The following CNTLN variants were observed in gnomAD, a reference collection of about 807,000 sequenced individuals.
CNTLN encodes centlein, also known as centlein, centrosomal protein.
A neutral mutation model predicts 180.0 loss-of-function variants in CNTLN; 212 were observed. That is an observed-to-expected ratio of 1.18 (90% confidence interval 1.05 to 1.32). The LOEUF (loss-of-function observed/expected upper bound fraction) is 1.32, where lower values mean the gene tolerates loss of function less well. Ranked by LOEUF, CNTLN falls within the 40% of genes most tolerant of loss-of-function variation. The pLI, the probability that CNTLN is intolerant of heterozygous loss-of-function variation, is 0.00. For missense variants in CNTLN, 2,095 were observed against 1,610.9 expected (o/e 1.30, Z -5.14); for synonymous variants, 722 against 563.1 (o/e 1.28, Z -3.99).
intron 2 of CNTLN, among the ~76,000 whole-genome samples, chr9:17,210,725 T>G (rs1463783200): frequency 2.6e-5 from 4 of 152,218 alleles, no homozygotes; most frequent in Non-Finnish European, 4.4e-5. Flanking sequence ...TGTTGTTTCC[T>G]GACTTTTTAA....
intron 14 of CNTLN, among the ~76,000 whole-genome samples, chr9:17,390,053 G>A (rs1407402321): frequency 6.6e-6 from 1 of 152,042 alleles, no homozygotes; most frequent in African/African-American, 2.4e-5. Flanking sequence ...GGCCTCAGAA[G>A]AAACCAACCC....
chr9:17,142,485 T>G (rs372986331), intron 1 of CNTLN, among the ~76,000 whole-genome samples: 1 of 152,024 alleles, frequency 6.6e-6, no homozygotes. Flanking sequence ...ATTTAAGATA[T>G]CTATTAGATT....
At position 17,412,792 on chromosome 9, in the gene CNTLN, C is replaced by A. The variant is rs533861907; in HGVS notation, c.2797-2996C>A. Reference sequence around the variant, plus strand: ...TGGATACCCATTGTATGTCAGGAGGCATCTGTATATGACACGTATATTAAA... The same window carrying A: ...TGGATACCCATTGTATGTCAGGAGGAATCTGTATATGACACGTATATTAAA... On this transcript the variant is annotated intron_variant, in intron 16 of 25. Coordinates refer to ENST00000380647, the MANE Select transcript of CNTLN (RefSeq NM_017738.4). 3.9e-5 allele frequency among the ~76,000 whole-genome samples: 6 copies of A among 152,172 alleles called. No homozygotes were observed. The South Asian group carries it at 6.2e-4, about 16-fold the overall frequency.
intron 5 of CNTLN, among the ~76,000 whole-genome samples, chr9:17,249,371 T>C (rs1825999280): frequency 7.3e-6 from 1 of 137,074 alleles, no homozygotes; most frequent in Admixed American, 7.8e-5. Context: ...TTTTTTGAGC[T>C]GGAGTCTCGC....
chr9:17,483,150 G>T (rs117877396), intron 23 of CNTLN, among the ~76,000 whole-genome samples: 1 of 152,024 alleles, frequency 6.6e-6, no homozygotes, highest in African/African-American at 2.4e-5. Flanking sequence ...TCCCGAATAC[G>T]TGAAGAACTC....
At chr9:17,167,660 G>A (rs1820165512) in intron 2 of CNTLN, 1 of 152,106 alleles carries the variant, frequency 6.6e-6, no homozygotes. Context: ...GTATCTTCAC[G>A]GTGAGATTAA....
At chr9:17,487,443 C>A (rs756192291) in intron 25 of CNTLN, among the ~76,000 whole-genome samples, 2 of 152,024 alleles carry the variant, frequency 1.3e-5, no homozygotes, top group Non-Finnish European at 2.9e-5. Flanking sequence ...GTTTCAGTGA[C>A]CTTTTACTAT....
At chr9:17,221,895 A>G (rs1330912410) in intron 2 of CNTLN, among the ~76,000 whole-genome samples, 1 of 152,074 alleles carries the variant, frequency 6.6e-6, no homozygotes, top group Non-Finnish European at 1.5e-5. Flanking sequence ...AACTGTATCT[A>G]CCAACATATC....
chr9:17,207,155 T>C (rs2131930689), intron 2 of CNTLN, among the ~76,000 whole-genome samples: 1 of 152,394 alleles, frequency 6.6e-6, no homozygotes, highest in Non-Finnish European at 1.5e-5. Context: ...TGTGTGTCTC[T>C]ATTTTCCCTT....
At chr9:17,185,193 T>C (rs1821354368) in intron 2 of CNTLN, among the ~76,000 whole-genome samples, 1 of 152,228 alleles carries the variant, frequency 6.6e-6, no homozygotes, top group Admixed American at 6.5e-5. Flanking sequence ...TTACAATTTA[T>C]ATTCCAAGGT....
At chr9:17,271,940 A>G (rs1827975569) in intron 5 of CNTLN, among the ~76,000 whole-genome samples, 1 of 151,824 alleles carries the variant, frequency 6.6e-6, no homozygotes, top group African/African-American at 2.4e-5. Flanking sequence ...ATATTTGTCT[A>G]TTTTAGTATA....
At chr9:17,280,677 A>G (rs1158963964) in intron 6 of CNTLN, among the ~76,000 whole-genome samples, 1 of 152,192 alleles carries the variant, frequency 6.6e-6, no homozygotes, top group Non-Finnish European at 1.5e-5. Context: ...TTAGCCACCC[A>G]AGAACTGAGA....
At chr9:17,272,098 C>G (rs1827991002) in intron 5 of CNTLN, among the ~76,000 whole-genome samples, 1 of 140,326 alleles carries the variant, frequency 7.1e-6, no homozygotes, top group Non-Finnish European at 1.5e-5. Context: ...CTTTCTTTCC[C>G]TCCCTCCCTC....
chr9:17,291,528 C>G (rs547361130), intron 6 of CNTLN, among the ~76,000 whole-genome samples: 1 of 152,270 alleles, frequency 6.6e-6, no homozygotes, highest in South Asian at 2.1e-4. Context: ...GTTAGCAGTT[C>G]ACATTGAATT....
intron 5 of CNTLN, among the ~76,000 whole-genome samples, chr9:17,250,858 T>A (rs1826095420): frequency 6.6e-6 from 1 of 152,096 alleles, no homozygotes; most frequent in Middle Eastern, 3.2e-3. Context: ...TCTTTATTTC[T>A]TCATATGGAT....
At chr9:17,248,759 A>G (rs1320915092) in intron 5 of CNTLN, among the ~76,000 whole-genome samples, 1 of 151,524 alleles carries the variant, frequency 6.6e-6, no homozygotes, top group Non-Finnish European at 1.5e-5. Flanking sequence ...ATTTAGCATT[A>G]TGCAAACCTG....
At chr9:17,295,993 AGAGAGTGTGTGT>A (rs1278064173) in intron 6 of CNTLN, among the ~76,000 whole-genome samples, 327 of 81,076 alleles carry the variant, frequency 4.0e-3, no homozygotes, top group African/African-American at 8.9e-3. Flanking sequence ...AGAGAGAGAG[AGAGAGTGTGTGT>A]GTGTGTGTGT....
chr9:17,382,486 C>T (rs763077047), intron 13 of CNTLN, among the ~76,000 whole-genome samples: 2 of 152,090 alleles, frequency 1.3e-5, no homozygotes, highest in Admixed American at 1.3e-4. Context: ...CCAATAAAGG[C>T]AAAAACTTTT....
At chr9:17,368,991 A>G (rs1044853874) in intron 13 of CNTLN, among the ~76,000 whole-genome samples, 17 of 152,338 alleles carry the variant, frequency 1.1e-4, no homozygotes, top group African/African-American at 2.4e-4. Context: ...ACCAGCAAAC[A>G]TCCATAAGGA....
Sources: allele counts gnomAD v4.1 joint callset (sites outside exome capture counted in the v4.1 genomes callset), GRCh38; gene constraint gnomAD v4.1.1; transcripts MANE v1.5; gene names NCBI Gene and HGNC (gene_info 2026-07-23, HGNC 2026-07-21).